Variants in CADM2 observed in about 807,000 individuals in gnomAD.
The protein encoded by CADM2 is cell adhesion molecule 2, also known as immunoglobulin superfamily member 4D.
In CADM2, 12 loss-of-function variants were observed where a neutral mutation model predicts 49.8. The observed-to-expected ratio is 0.24, with a 90% CI of 0.15 to 0.39. The LOEUF (loss-of-function observed/expected upper bound fraction) is 0.39. Ranked by LOEUF, CADM2 falls within the 10% of genes least tolerant of loss-of-function variation. The probability of loss-of-function intolerance (pLI) is 1.00; values close to 1 mark genes in which losing one functional copy is unlikely to be tolerated. For synonymous variants in CADM2, 214 were observed against 175.4 expected (o/e 1.22, Z -1.74); for missense variants, 378 against 492.3 (o/e 0.77, Z 2.20).
At chr3:85,906,242 C>T (rs1003349697) in intron 5 of CADM2, among the ~76,000 whole-genome samples, 1 of 152,098 alleles carries the variant, frequency 6.6e-6, no homozygotes, top group Non-Finnish European at 1.5e-5. Context: ...AGAGCCCACC[C>T]TGAGGCTTCG....
intron 7 of CADM2, among the ~76,000 whole-genome samples, chr3:85,959,485 G>A (rs2108610369): frequency 6.6e-6 from 1 of 151,918 alleles, no homozygotes; most frequent in African/African-American, 2.4e-5. Context: ...CTGCCCAGGA[G>A]CCCACCAGAA....
chr3:85,971,419 T>G (rs1437757299), intron 8 of CADM2, among the ~76,000 whole-genome samples: 1 of 151,728 alleles, frequency 6.6e-6, no homozygotes, highest in Non-Finnish European at 1.5e-5. Flanking sequence ...TTAAATTACA[T>G]GCAAAATGGC....
In CADM2 at chr3:85,479,126, T is replaced by G. The variant is rs114107621; in HGVS notation, c.62-247396T>G. ...GCCTGGCTAAATTTTTATTATTTAT[T>G]TTTGTGTTTTAGAGATGGGATGTCC... On this transcript the variant is annotated intron_variant, in intron 1 of 9. Transcript: ENST00000383699. Among the ~76,000 whole-genome samples, 542 of 151,872 alleles carry G rather than the reference T, an allele frequency of 3.6e-3. 4 individuals are homozygous for G. Among genetic ancestry groups the G allele is most frequent in the African/African-American group, 0.013 (522 of 41,476 alleles).
At chr3:85,619,793 T>G (rs2063914443) in intron 1 of CADM2, among the ~76,000 whole-genome samples, 1 of 152,154 alleles carries the variant, frequency 6.6e-6, no homozygotes, top group Non-Finnish European at 1.5e-5. Flanking sequence ...GAGAAAGAAT[T>G]CCACCATCAT....
chr3:85,509,411 A>G (rs77233083), intron 1 of CADM2, among the ~76,000 whole-genome samples: 2,698 of 152,220 alleles, frequency 0.018, 79 homozygotes, highest in African/African-American at 0.062. Context: ...TGCAATTTAT[A>G]TCCTGGTAGG....
At chr3:85,648,228 C>T (rs560189639) in intron 1 of CADM2, among the ~76,000 whole-genome samples, 15 of 151,828 alleles carry the variant, frequency 9.9e-5, no homozygotes, top group African/African-American at 3.6e-4. Context: ...AATGTCTTCC[C>T]GTTATCACAA....
At chr3:85,480,583 G>A (rs1444122408) in intron 1 of CADM2, among the ~76,000 whole-genome samples, 1 of 151,762 alleles carries the variant, frequency 6.6e-6, no homozygotes, top group East Asian at 1.9e-4. Flanking sequence ...CCCATTATAA[G>A]CATTATAAAG....
intron 1 of CADM2, among the ~76,000 whole-genome samples, chr3:85,021,703 A>G (rs936498556): frequency 6.6e-6 from 1 of 152,126 alleles, no homozygotes; most frequent in Non-Finnish European, 1.5e-5. Context: ...TGAACCCAGG[A>G]AGCGGAGGTT....
At chr3:85,446,942 A>T (rs1471606819) in intron 1 of CADM2, among the ~76,000 whole-genome samples, 1 of 140,426 alleles carries the variant, frequency 7.1e-6, no homozygotes, top group Non-Finnish European at 1.5e-5. Flanking sequence ...ATATTTATAC[A>T]TCACTCTGGT....
chr3:85,757,365 A>G (rs2069170389), intron 2 of CADM2, among the ~76,000 whole-genome samples: 1 of 152,146 alleles, frequency 6.6e-6, no homozygotes. Context: ...AGAGAAATAA[A>G]GAAACATGGC....
At chr3:85,210,666 G>C (rs60309965) in intron 1 of CADM2, among the ~76,000 whole-genome samples, 1 of 151,860 alleles carries the variant, frequency 6.6e-6, no homozygotes, top group African/African-American at 2.4e-5. Flanking sequence ...CTGAGCCTCG[G>C]AGTAGCTGGG....
intron 1 of CADM2, among the ~76,000 whole-genome samples, chr3:85,470,203 G>A (rs1473370660): frequency 2.6e-5 from 4 of 152,212 alleles, no homozygotes; most frequent in Non-Finnish European, 5.9e-5. Flanking sequence ...ACTTGTTATG[G>A]ATACAAACAG....
chr3:85,975,997 T>G (rs1252525005), intron 8 of CADM2, among the ~76,000 whole-genome samples: 1 of 151,584 alleles, frequency 6.6e-6, no homozygotes, highest in Non-Finnish European at 1.5e-5. Context: ...CCATGTCATA[T>G]TAAGCAAATT....
At chr3:85,432,000 A>G (rs2036703195) in intron 1 of CADM2, among the ~76,000 whole-genome samples, 1 of 149,676 alleles carries the variant, frequency 6.7e-6, no homozygotes, top group Non-Finnish European at 1.5e-5. Context: ...TGACATGTTC[A>G]ATGACATGAT....
chr3:85,085,189 TA>T (rs1436320114), intron 1 of CADM2, among the ~76,000 whole-genome samples: 1 of 152,086 alleles, frequency 6.6e-6, no homozygotes, highest in Admixed American at 6.6e-5. Flanking sequence ...TGAAACTTTG[TA>T]ACCTTTTACT....
intron 8 of CADM2, among the ~76,000 whole-genome samples, chr3:85,987,761 A>G (rs1288124318): frequency 6.7e-6 from 1 of 149,760 alleles, no homozygotes; most frequent in Non-Finnish European, 1.5e-5. Flanking sequence ...TTCCTATGAA[A>G]TATCGAGGCT....
chr3:86,057,231 A>G (rs1375244537), intron 8 of CADM2, among the ~76,000 whole-genome samples: 1 of 152,150 alleles, frequency 6.6e-6, no homozygotes, highest in East Asian at 1.9e-4. Flanking sequence ...TTTTCCCACA[A>G]GTTATGTATA....
intron 3 of CADM2, chr3:85,805,418 C>A (rs1430520952): frequency 6.6e-6 from 1 of 152,168 alleles, no homozygotes; most frequent in Non-Finnish European, 1.5e-5. Flanking sequence ...CAACAGAGAG[C>A]ATTGAAGAAA....
At chr3:85,505,439 C>T (rs1006288995) in intron 1 of CADM2, among the ~76,000 whole-genome samples, 3 of 152,146 alleles carry the variant, frequency 2.0e-5, no homozygotes, top group Non-Finnish European at 1.5e-5. Context: ...ACTGAGCCCA[C>T]ATTTGAGACC....
Sources: gnomAD v4.1 joint callset for allele counts (sites outside exome capture counted in the v4.1 genomes callset) on GRCh38, gnomAD v4.1.1 for gene constraint, MANE v1.5 for transcripts, NCBI Gene and HGNC (gene_info 2026-07-23, HGNC 2026-07-21) for gene names.